Variants in CERS4 observed in about 807,000 individuals in gnomAD.
CERS4 encodes the protein ceramide synthase 4.
Under a neutral mutation model 51.8 loss-of-function variants are expected in CERS4, and 65 were observed. That is an observed-to-expected ratio of 1.26 (90% CI 1.03 to 1.54). The LOEUF (loss-of-function observed/expected upper bound fraction) is 1.54. Ranked by LOEUF, CERS4 falls within the 40% of genes most tolerant of loss-of-function variation. The pLI is 0.00. For synonymous variants in CERS4, 228 were observed against 208.4 expected (o/e 1.09, Z -0.81); for missense variants, 563 against 500.4 (o/e 1.13, Z -1.19).
intron 10 of CERS4, 100 bp from the exon 11 acceptor site, chr19:8,261,588 G>A: frequency 1.5e-6 from 2 of 1,374,064 alleles, no homozygotes; most frequent in South Asian, 1.3e-5. Flanking sequence ...AGCCATAGGT[G>A]GTTATGGAGC....
intron 2 of CERS4, among the ~76,000 whole-genome samples, chr19:8,220,585 A>T (rs957143606): frequency 6.6e-6 from 1 of 150,878 alleles, no homozygotes; most frequent in Non-Finnish European, 1.5e-5. Context: ...GAATACAGGC[A>T]TGAGCCACCG....
At position 8,261,980 on chromosome 19, in the gene CERS4, G is replaced by T. The variant is rs759746399; in HGVS notation, c.1056G>T (p.Glu352Asp). ...TAGAAGAATCAGACTCCAGTGAGGA[G>T]GCGGCGGCGGCCCAGGAACCTCTGC... ...SDVEESDSSE[E>D]AAAAQEPLQL... Residue 352 changes from glutamate (E) to aspartate (D), a missense_variant, in exon 12 of 12, where the codon GAG (glutamate) becomes GAT (aspartate). Coordinates refer to ENST00000251363, the MANE Select transcript of CERS4 (RefSeq NM_024552.3). The T allele has an allele frequency of 2.3e-5, 36 of 1,599,988 alleles. No individual in the cohort carries two copies. The South Asian group carries it at 4.0e-4, about 18-fold the overall frequency.
chr19:8,236,488 G>C (rs1968259026), intron 2 of CERS4, among the ~76,000 whole-genome samples: 1 of 149,220 alleles, frequency 6.7e-6, no homozygotes, highest in Non-Finnish European at 1.5e-5. Flanking sequence ...GCCCAGCCTG[G>C]GCAACATGGT....
At chr19:8,235,007 C>CTTTTTT (rs566104740) in intron 2 of CERS4, among the ~76,000 whole-genome samples, 27 of 127,882 alleles carry the variant, frequency 2.1e-4, no homozygotes, top group East Asian at 4.8e-4. Flanking sequence ...TTCTTTCTTT[C>CTTTTTT]TTTCTTTTTT....
At chr19:8,232,378 C>T (rs1389269064) in intron 2 of CERS4, among the ~76,000 whole-genome samples, 1 of 151,838 alleles carries the variant, frequency 6.6e-6, no homozygotes, top group Non-Finnish European at 1.5e-5. Context: ...GCAACCTCTG[C>T]CTTCCAGGTT....
At chr19:8,215,638 T>G (rs1967269910) in intron 2 of CERS4, among the ~76,000 whole-genome samples, 1 of 152,058 alleles carries the variant, frequency 6.6e-6, no homozygotes, top group African/African-American at 2.4e-5. Context: ...ACCACGAACC[T>G]GGGCTTCACT....
intron 2 of CERS4, among the ~76,000 whole-genome samples, chr19:8,239,913 A>C (rs2145242067): frequency 6.6e-6 from 1 of 152,308 alleles, no homozygotes; most frequent in South Asian, 2.1e-4. Context: ...TGACTCAAAC[A>C]ACATTCTTTT....
At chr19:8,237,738 C>A (rs983225849) in intron 2 of CERS4, among the ~76,000 whole-genome samples, 1 of 152,012 alleles carries the variant, frequency 6.6e-6, no homozygotes, top group African/African-American at 2.4e-5. Flanking sequence ...GTAGTCCCAG[C>A]TACTCAGGAG....
chr19:8,238,821 G>A (rs1007545), intron 2 of CERS4, among the ~76,000 whole-genome samples: 7,600 of 152,200 alleles, frequency 0.05, 199 homozygotes, highest in African/African-American at 0.07. Flanking sequence ...CGCTGAGCCC[G>A]AGTGTGGTGG....
chr19:8,261,647 G>T, intron 10 of CERS4, 41 bp from the exon 11 acceptor site: 1 of 1,611,022 alleles, frequency 6.2e-7, no homozygotes, highest in Non-Finnish European at 8.5e-7. Flanking sequence ...GGCTACAGCG[G>T]CTGGTCAAAC....
intron 2 of CERS4, among the ~76,000 whole-genome samples, chr19:8,243,689 T>C (rs1429231191): frequency 1.3e-5 from 2 of 151,950 alleles, no homozygotes; most frequent in African/African-American, 4.8e-5. Context: ...TGTTGACCCC[T>C]TGCTGATAGA....
At chr19:8,238,632 G>A (rs1300166577) in intron 2 of CERS4, 8 of 967,078 alleles carry the variant, frequency 8.3e-6, no homozygotes, top group Non-Finnish European at 9.8e-6. Flanking sequence ...GGCACCTGCT[G>A]GGGGATCCTC....
chr19:8,255,945 G>GT, intron 6 of CERS4, 66 bp downstream of exon 6: 2 of 1,542,798 alleles, frequency 1.3e-6, no homozygotes, highest in Non-Finnish European at 1.8e-6. Flanking sequence ...TCTGGCAGGA[G>GT]TGGGGGTGTG....
chr19:8,254,118 C>T (rs901466125), intron 3 of CERS4, among the ~76,000 whole-genome samples: 23 of 151,648 alleles, frequency 1.5e-4, no homozygotes, highest in Non-Finnish European at 3.2e-4. Flanking sequence ...GTCAGGAGAT[C>T]GAGACCATCC....
At chr19:8,250,196 A>G (rs1010683802) in intron 2 of CERS4, among the ~76,000 whole-genome samples, 4 of 151,464 alleles carry the variant, frequency 2.6e-5, no homozygotes, top group Non-Finnish European at 5.9e-5. Context: ...GCTGGTCTCA[A>G]ACTCCTGACC....
intron 10 of CERS4, among the ~76,000 whole-genome samples, chr19:8,259,173 A>C (rs1180104340): frequency 2.6e-5 from 4 of 152,118 alleles, no homozygotes. Context: ...GAAGTATGGG[A>C]GAGGTGGGTA....
chr19:8,252,519 A>G (rs1434249571), intron 3 of CERS4, among the ~76,000 whole-genome samples: 1 of 149,586 alleles, frequency 6.7e-6, no homozygotes, highest in East Asian at 2.1e-4. Context: ...GTTCACTACA[A>G]CCTCTGCCTC....
At chr19:8,241,760 C>T (rs561687827) in intron 2 of CERS4, among the ~76,000 whole-genome samples, 97 of 152,246 alleles carry the variant, frequency 6.4e-4, no homozygotes, top group African/African-American at 2.1e-3. Context: ...GAATCAGATC[C>T]GTTGTGATAT....
At chr19:8,240,585 A>AGTTGTGTGTGTGTGTGT (rs6146457) in intron 2 of CERS4, 2 of 142,080 alleles carry the variant, frequency 1.4e-5, no homozygotes, top group Non-Finnish European at 3.0e-5. Flanking sequence ...AATGTATGCA[A>AGTTGTGTGTGTGTGTGT]GTGTGTGTGT....
Sources: allele counts gnomAD v4.1 joint callset (sites outside exome capture counted in the v4.1 genomes callset), GRCh38; gene constraint gnomAD v4.1.1; transcripts MANE v1.5; gene names NCBI Gene and HGNC (gene_info 2026-07-23, HGNC 2026-07-21).